The following EBF1 variants were observed in gnomAD, a reference collection of about 807,000 sequenced individuals.
EBF1 encodes transcription factor COE1.
Under a neutral mutation model 68.4 loss-of-function variants are expected in EBF1, and 10 were observed. That is an observed-to-expected ratio of 0.15 (90% CI 0.09 to 0.25). The LOEUF is 0.25. EBF1 is among the 10% of genes least tolerant of loss of function. The pLI, the probability that EBF1 is intolerant of heterozygous loss-of-function variation, is 1.00. For synonymous variants in EBF1, 298 were observed against 299.8 expected (o/e 0.99, Z 0.06); for missense variants, 509 against 794.4 (o/e 0.64, Z 4.32).
chr5:158,736,539 T>A (rs934516959), intron 10 of EBF1, among the ~76,000 whole-genome samples: 2 of 152,230 alleles, frequency 1.3e-5, no homozygotes, highest in African/African-American at 4.8e-5. Context: ...TCTATTGCCA[T>A]TTAATGTCCA....
At position 158,830,505 on chromosome 5, in the gene EBF1, G is replaced by A. The variant is rs148910201; in HGVS notation, c.637-7188C>T. On this transcript the variant is annotated intron_variant, in intron 7 of 15. Coordinates refer to ENST00000313708, the MANE Select transcript of EBF1 (RefSeq NM_024007.5). The stretch of plus-strand genomic sequence containing the variant: ...AGGATGGTCTCGATCTCTTGAGCTC[G>A]TGATCCGTCCATCTCGGCCTCCCAA... Among the ~76,000 whole-genome samples, 254 of 152,242 alleles carry A rather than the reference G, an allele frequency of 1.7e-3. 2 individuals are homozygous for A. Among genetic ancestry groups the A allele is most frequent in the Non-Finnish European group, 2.1e-3 (143 of 67,998 alleles).
chr5:158,978,867 A>G (rs1281993462), intron 6 of EBF1, among the ~76,000 whole-genome samples: 1 of 151,880 alleles, frequency 6.6e-6, no homozygotes, highest in Non-Finnish European at 1.5e-5. Context: ...CTTTTGGGAA[A>G]GAACAAGCAC....
intron 10 of EBF1, among the ~76,000 whole-genome samples, chr5:158,767,391 C>T (rs1008522892): frequency 4.6e-5 from 7 of 152,118 alleles, no homozygotes; most frequent in Non-Finnish European, 7.4e-5. Flanking sequence ...GCCACTCTCC[C>T]ATCACCAACA....
At chr5:158,699,203 A>G in intron 15 of EBF1, 61 bp from the exon 16 acceptor site, 1 of 1,525,404 alleles carries the variant, frequency 6.6e-7, no homozygotes, top group Non-Finnish European at 8.9e-7. Flanking sequence ...ACTGAGAAAA[A>G]TAATGAAGAC....
chr5:159,012,252 A>G (rs993762764), intron 6 of EBF1, among the ~76,000 whole-genome samples: 5 of 151,788 alleles, frequency 3.3e-5, no homozygotes, highest in Non-Finnish European at 7.4e-5. Context: ...GCGCCACTGC[A>G]TTCTCGCCTG....
intron 11 of EBF1, among the ~76,000 whole-genome samples, chr5:158,729,372 A>G (rs1763615791): frequency 6.7e-6 from 1 of 150,212 alleles, no homozygotes; most frequent in Non-Finnish European, 1.5e-5. Flanking sequence ...TACAGTGCCC[A>G]AATGTTCCTC....
intron 8 of EBF1, among the ~76,000 whole-genome samples, chr5:158,810,388 G>T (rs774358896): frequency 6.6e-6 from 1 of 152,150 alleles, no homozygotes; most frequent in Non-Finnish European, 1.5e-5. Flanking sequence ...TACCAACTAC[G>T]TTCATTTTAA....
chr5:158,822,571 G>C (rs1477531294), intron 8 of EBF1, among the ~76,000 whole-genome samples: 2 of 152,128 alleles, frequency 1.3e-5, no homozygotes, highest in Non-Finnish European at 2.9e-5. Flanking sequence ...TCTACTTACA[G>C]ACAGCAAGTT....
At chr5:158,987,824 A>G (rs1211367478) in intron 6 of EBF1, among the ~76,000 whole-genome samples, 1 of 152,202 alleles carries the variant, frequency 6.6e-6, no homozygotes, top group Non-Finnish European at 1.5e-5. Context: ...ATAGGAAAAA[A>G]TTACTAGAAG....
At chr5:158,987,636 G>A (rs1759359810) in intron 6 of EBF1, among the ~76,000 whole-genome samples, 3 of 152,188 alleles carry the variant, frequency 2.0e-5, no homozygotes, top group Non-Finnish European at 4.4e-5. Context: ...CTCCAAGGAG[G>A]AAGTGGGGGA....
At chr5:158,826,624 A>C (rs1786188276) in intron 7 of EBF1, among the ~76,000 whole-genome samples, 1 of 152,200 alleles carries the variant, frequency 6.6e-6, no homozygotes, top group Non-Finnish European at 1.5e-5. Context: ...TTTTGGAATG[A>C]AATTTCTATT....
chr5:159,032,191 G>A (rs2127747700), intron 6 of EBF1, among the ~76,000 whole-genome samples: 1 of 152,246 alleles, frequency 6.6e-6, no homozygotes, highest in Non-Finnish European at 1.5e-5. Context: ...ATTAATTTGT[G>A]CCAGAATCAT....
intron 8 of EBF1, among the ~76,000 whole-genome samples, chr5:158,808,747 G>A (rs1226985766): frequency 1.3e-5 from 2 of 152,146 alleles, no homozygotes; most frequent in Non-Finnish European, 2.9e-5. Context: ...AGAAGTTGCT[G>A]TAGGAGAAGG....
chr5:158,797,898 C>T (rs892435259), intron 8 of EBF1, among the ~76,000 whole-genome samples: 16 of 152,110 alleles, frequency 1.1e-4, no homozygotes, highest in African/African-American at 3.1e-4. Flanking sequence ...GTAAATGATT[C>T]GTGACTTGAC....
intron 6 of EBF1, among the ~76,000 whole-genome samples, chr5:159,054,135 T>G (rs1210243797): frequency 6.6e-6 from 1 of 152,258 alleles, no homozygotes; most frequent in Non-Finnish European, 1.5e-5. Flanking sequence ...TTTCTTTGCT[T>G]TTTATAGGGC....
chr5:159,060,154 G>T (rs1015379201), intron 6 of EBF1, among the ~76,000 whole-genome samples: 18 of 152,042 alleles, frequency 1.2e-4, no homozygotes, highest in African/African-American at 4.3e-4. Context: ...AATTTGATAA[G>T]ATTTTACCCA....
intron 6 of EBF1, among the ~76,000 whole-genome samples, chr5:159,053,038 G>C (rs536986612): frequency 6.6e-6 from 1 of 152,340 alleles, no homozygotes; most frequent in East Asian, 1.9e-4. Context: ...GCCAGCAAAG[G>C]ATGGAAATTT....
chr5:158,812,555 C>T (rs1029429782), intron 8 of EBF1, among the ~76,000 whole-genome samples: 7 of 152,120 alleles, frequency 4.6e-5, no homozygotes, highest in African/African-American at 1.7e-4. Flanking sequence ...AAAACAGAGC[C>T]ACCCCCTTCC....
Position 159,060,933 on chromosome 5 carries a change from TACACACAC to T in EBF1, c.554+12455_554+12462del, listed in dbSNP as rs72070397. 1.8e-3 allele frequency among the ~76,000 whole-genome samples: 263 copies of T among 143,786 alleles called. 3 individuals are homozygous for T. Among genetic ancestry groups the T allele is most frequent in the East Asian group, 0.013 (63 of 4,932 alleles). 94.3% of individuals were successfully genotyped at this position (143,786 alleles called of 152,430 possible). Reference sequence around the variant, plus strand: ...AGATTTAGAGAGGGTTAAAGCTACATACACACACACACACACACACACACACACACACA... The same window carrying T: ...AGATTTAGAGAGGGTTAAAGCTACATACACACACACACACACACACACACA... On this transcript the variant is annotated intron_variant, in intron 6 of 15. Transcript: ENST00000313708.
Sources: gnomAD v4.1 joint callset for allele counts (sites outside exome capture counted in the v4.1 genomes callset) on GRCh38, gnomAD v4.1.1 for gene constraint, MANE v1.5 for transcripts, NCBI Gene and HGNC (gene_info 2026-07-23, HGNC 2026-07-21) for gene names.